The following PRKN variants were observed in gnomAD, a reference collection of about 807,000 sequenced individuals.
The protein encoded by PRKN is E3 ubiquitin-protein ligase parkin.
In PRKN, 56 loss-of-function variants were observed where a neutral mutation model predicts 59.5. The ratio of observed to expected loss-of-function variants is 0.94; its 90% CI spans 0.76 to 1.18. The LOEUF is 1.18. Among genes scored for constraint, PRKN ranks in the 50% most tolerant of loss-of-function variants. The pLI, the probability that PRKN is intolerant of heterozygous loss-of-function variation, is 0.00. For missense variants in PRKN, 657 were observed against 596.4 expected, an observed-to-expected ratio of 1.10 and a Z score of -1.06; for synonymous variants, 250 against 222.1, an observed-to-expected ratio of 1.13 and a Z score of -1.12.
chr6:161,666,026 T>A lies in PRKN; in HGVS notation c.872-96610A>T, dbSNP rs1784713476. 3.3e-5 allele frequency among the ~76,000 whole-genome samples: 5 copies of A among 152,274 alleles called. No homozygotes were observed. The South Asian group carries it at 1.0e-3, about 32-fold the overall frequency. ...AGCTGAGAAGACTGCATCGCCTGGA[T>A]TCCATCCCAGCTGGGCGGCTTACTA... On this transcript the variant is annotated intron_variant, in intron 7 of 11. Coordinates refer to ENST00000366898, the MANE Select transcript of PRKN (RefSeq NM_004562.3).
chr6:162,158,360 A>G (rs1056330513), intron 4 of PRKN, among the ~76,000 whole-genome samples: 1 of 151,316 alleles, frequency 6.6e-6, no homozygotes, highest in African/African-American at 2.4e-5. Context: ...TTCTTTGACA[A>G]AGGCTACTTA....
intron 5 of PRKN, among the ~76,000 whole-genome samples, chr6:161,999,919 A>G (rs77573855): frequency 6.6e-6 from 1 of 152,128 alleles, no homozygotes; most frequent in Non-Finnish European, 1.5e-5. Flanking sequence ...TTATATTTCA[A>G]AGAAATACTA....
At chr6:162,680,881 T>C (rs1324779921) in intron 1 of PRKN, among the ~76,000 whole-genome samples, 2 of 152,158 alleles carry the variant, frequency 1.3e-5, no homozygotes, top group Admixed American at 6.6e-5. Context: ...TAAACTGTTT[T>C]CCGAATTGTC....
At chr6:162,266,762 C>T (rs543203515) in intron 2 of PRKN, among the ~76,000 whole-genome samples, 18 of 152,252 alleles carry the variant, frequency 1.2e-4, no homozygotes, top group African/African-American at 4.3e-4. Context: ...GAGCTCAGAT[C>T]CCGATCCGCA....
chr6:162,578,510 C>G (rs962195515), intron 1 of PRKN, among the ~76,000 whole-genome samples: 5 of 152,018 alleles, frequency 3.3e-5, no homozygotes, highest in African/African-American at 1.2e-4. Flanking sequence ...AACAGCAATA[C>G]TATTTTAAAT....
intron 6 of PRKN, among the ~76,000 whole-genome samples, chr6:161,930,402 T>C (rs1779128406): frequency 6.6e-6 from 1 of 152,212 alleles, no homozygotes; most frequent in Non-Finnish European, 1.5e-5. Context: ...GAGAAGATTG[T>C]TCTTCAAACA....
chr6:162,169,828 G>T (rs1280014982), intron 4 of PRKN, among the ~76,000 whole-genome samples: 2 of 152,130 alleles, frequency 1.3e-5, no homozygotes, highest in Non-Finnish European at 2.9e-5. Context: ...CAGGTAAAAG[G>T]TTTCAGGAGC....
At chr6:162,219,493 C>A (rs1364654343) in intron 3 of PRKN, among the ~76,000 whole-genome samples, 1 of 151,800 alleles carries the variant, frequency 6.6e-6, no homozygotes, top group African/African-American at 2.4e-5. Context: ...TTGTTTCTGC[C>A]AGAGATGATT....
intron 1 of PRKN, among the ~76,000 whole-genome samples, chr6:162,588,621 G>A (rs571725825): frequency 6.6e-5 from 10 of 152,056 alleles, no homozygotes; most frequent in South Asian, 4.2e-4. Flanking sequence ...GCGCCATCTC[G>A]GCTCACTGCA....
intron 5 of PRKN, among the ~76,000 whole-genome samples, chr6:162,023,070 G>T (rs920152755): frequency 6.6e-6 from 1 of 152,040 alleles, no homozygotes; most frequent in Non-Finnish European, 1.5e-5. Flanking sequence ...CCCCCTAGCA[G>T]GGCATGCGGT....
Position 161,409,530 on chromosome 6 carries a change from C to A in PRKN, c.1084-22653G>T, listed in dbSNP as rs965105467. Among the ~76,000 whole-genome samples, 1 of 152,130 alleles carries A rather than the reference C, an allele frequency of 6.6e-6. No individual in the cohort carries two copies. Among genetic ancestry groups the A allele is most frequent in the African/African-American group, 2.4e-5 (1 of 41,408 alleles). The stretch of plus-strand genomic sequence containing the variant: ...CAAGTAGCTTTCCTACTGACAGCAC[C>A]TCTCAGTTCAAAGGAAAGTGGTGTG... On this transcript the variant is annotated intron_variant, in intron 9 of 11. Transcript: ENST00000366898. This position sits in a 1 kb window ranked among gnomAD's most constrained non-coding sequence, Gnocchi z 4.6.
At chr6:162,102,218 G>A (rs1460318782) in intron 4 of PRKN, among the ~76,000 whole-genome samples, 1 of 151,906 alleles carries the variant, frequency 6.6e-6, no homozygotes, top group African/African-American at 2.4e-5. Context: ...GCCCCAGTGT[G>A]TGTTGTTCCC....
chr6:162,154,037 C>A (rs115027601), intron 4 of PRKN, among the ~76,000 whole-genome samples: 1,711 of 152,238 alleles, frequency 0.011, 29 homozygotes, highest in African/African-American at 0.04. Context: ...TGGGGCTTTG[C>A]CAGGGACCTG....
intron 3 of PRKN, among the ~76,000 whole-genome samples, chr6:162,223,809 T>C (rs1448032925): frequency 1.3e-5 from 2 of 152,186 alleles, no homozygotes; most frequent in Non-Finnish European, 2.9e-5. Context: ...GACTTTTCAT[T>C]GCCTACCTAG....
intron 6 of PRKN, among the ~76,000 whole-genome samples, chr6:161,963,735 T>C (rs769388182): frequency 1.1e-4 from 17 of 152,220 alleles, no homozygotes; most frequent in Non-Finnish European, 2.2e-4. Context: ...CATGTGAAAA[T>C]AGTTTGCTTT....
At chr6:161,571,224 C>T (rs542655265) in intron 7 of PRKN, among the ~76,000 whole-genome samples, 29 of 152,240 alleles carry the variant, frequency 1.9e-4, no homozygotes, top group South Asian at 4.1e-4. Flanking sequence ...GGATTATAGG[C>T]GTGAGCCACT....
At chr6:162,044,086 A>G (rs753974104) in intron 5 of PRKN, among the ~76,000 whole-genome samples, 10 of 152,230 alleles carry the variant, frequency 6.6e-5, no homozygotes, top group South Asian at 4.1e-4. Context: ...ACACTTTGCC[A>G]GGGATTCAAG....
At chr6:162,090,287 A>G (rs1049253736) in intron 4 of PRKN, among the ~76,000 whole-genome samples, 2 of 152,192 alleles carry the variant, frequency 1.3e-5, no homozygotes, top group Non-Finnish European at 2.9e-5. Flanking sequence ...TAGTGGATTT[A>G]TATTTTAGAC....
Position 161,451,951 on chromosome 6 carries a change from C to A in PRKN, c.1084-65074G>T, listed in dbSNP as rs1357209970. 6.8e-6 allele frequency among the ~76,000 whole-genome samples: 1 copy of A among 146,430 alleles called. No individual in the cohort carries two copies. The highest frequency in any genetic ancestry group is 1.5e-5 in the Non-Finnish European group (1 of 66,906). On this transcript the variant is annotated intron_variant, in intron 9 of 11. Transcript: ENST00000366898. This position sits in a 1 kb window ranked among gnomAD's most constrained non-coding sequence, Gnocchi z 5.9. ...TTCTTTTCTTTTCTTTTACTTTTTT[C>A]TTTTCTTTTCTTTTCTTTTTTTGGG...
Sources: allele counts gnomAD v4.1 joint callset (sites outside exome capture counted in the v4.1 genomes callset), GRCh38; gene constraint gnomAD v4.1.1; non-coding constraint Gnocchi (gnomAD v3.1); transcripts MANE v1.5; gene names NCBI Gene and HGNC (gene_info 2026-07-23, HGNC 2026-07-21).